CEP128: variants seen among roughly 807,000 people sequenced by gnomAD.
The protein encoded by CEP128 is centrosomal protein 128, also known as centrosomal protein 128kDa.
CEP128 carries 132 observed loss-of-function variants against 156.7 expected under a neutral mutation model. That is an observed-to-expected ratio of 0.84 (90% CI 0.73 to 0.97). The LOEUF (loss-of-function observed/expected upper bound fraction) is 0.97. CEP128 is among the 50% of genes least tolerant of loss of function. The pLI, the probability that CEP128 is intolerant of heterozygous loss-of-function variation, is 0.00. For synonymous variants in CEP128, 469 were observed against 448.9 expected, an observed-to-expected ratio of 1.04 and a Z score of -0.57; for missense variants, 1,252 against 1,281.9, an observed-to-expected ratio of 0.98 and a Z score of 0.36.
chr14:80,685,332 C>T (rs1301828996), intron 19 of CEP128, among the ~76,000 whole-genome samples: 4 of 151,824 alleles, frequency 2.6e-5, no homozygotes, highest in Non-Finnish European at 4.4e-5. Flanking sequence ...AATCAAGAAC[C>T]TAATCCCATT....
chr14:80,590,528 A>G (rs1199653917), intron 19 of CEP128, among the ~76,000 whole-genome samples: 3 of 152,128 alleles, frequency 2.0e-5, no homozygotes, highest in African/African-American at 7.2e-5. Flanking sequence ...ATAAAGATGA[A>G]GGCAAGACAT....
intron 20 of CEP128, among the ~76,000 whole-genome samples, chr14:80,570,328 G>A (rs919321667): frequency 2.0e-5 from 3 of 152,126 alleles, no homozygotes; most frequent in African/African-American, 4.8e-5. Flanking sequence ...ATGTTGGCCA[G>A]GATGGTCTTG....
downstream of CEP128, among the ~76,000 whole-genome samples, chr14:80,486,784 A>G (rs1404981155): frequency 6.6e-6 from 1 of 152,190 alleles, no homozygotes; most frequent in Non-Finnish European, 1.5e-5. Context: ...TCATAAGTGA[A>G]GGAGAAATAA....
Position 80,752,777 on chromosome 14 carries a change from T to C in CEP128, c.2613+4115A>G, listed in dbSNP as rs796130226. 3.9e-5 allele frequency among the ~76,000 whole-genome samples: 6 copies of C among 152,316 alleles called. No homozygotes were observed. The South Asian group carries it at 1.2e-3, about 32-fold the overall frequency. On this transcript the variant is annotated intron_variant, in intron 18 of 24. Coordinates refer to ENST00000555265, the MANE Select transcript of CEP128 (RefSeq NM_152446.5). ...TTCGCAGTAACTAATTAGTTTTATG[T>C]CCTTAGGTAAAACTAAAAACATCTT...
intron 19 of CEP128, among the ~76,000 whole-genome samples, chr14:80,585,728 CTG>C (rs1891792168): frequency 6.6e-6 from 1 of 152,280 alleles, no homozygotes; most frequent in South Asian, 2.1e-4. Context: ...TTCAGTGCTC[CTG>C]TCCAGTGTTA....
At position 80,480,389 on chromosome 14, in the gene CEP128, C is replaced by T. The variant is rs149961374; in HGVS notation, c.*311-1982G>A. ...CCGCAGGCTCAACACCACGTGGAAG[C>T]TGCCAAGGCTTGGGGCTTCCACCCT... On this transcript the variant is annotated intron_variant and NMD_transcript_variant, in intron 14 of 14. Transcript: ENST00000554502. Among the ~76,000 whole-genome samples, 481 of 152,298 alleles carry T rather than the reference C, an allele frequency of 3.2e-3. 4 individuals carry two copies. Among genetic ancestry groups the T allele is most frequent in the African/African-American group, 0.011 (464 of 41,570 alleles).
intron 23 of CEP128, chr14:80,514,772 G>C (rs1432371575): frequency 2.8e-5 from 7 of 254,136 alleles, no homozygotes; most frequent in African/African-American, 1.3e-4. Context: ...TGGTTCTGAT[G>C]CTGGGGGATA....
At chr14:80,820,126 C>T (rs1885086069) in intron 13 of CEP128, among the ~76,000 whole-genome samples, 1 of 152,072 alleles carries the variant, frequency 6.6e-6, no homozygotes, top group South Asian at 2.1e-4. Context: ...TTATAACTTC[C>T]TGACCTCTGT....
intron 24 of CEP128, 35 bp downstream of exon 24, chr14:80,504,877 T>C (rs1368101709): frequency 1.7e-6 from 2 of 1,180,358 alleles, no homozygotes; most frequent in Non-Finnish European, 2.4e-6. Context: ...TTCTTAAATC[T>C]AATTTAAAAA....
At position 80,763,277 on chromosome 14, in the gene CEP128, G is replaced by C. The variant is rs73342527; in HGVS notation, c.2377-1664C>G. Among the ~76,000 whole-genome samples, 1,237 of 152,226 alleles carry C rather than the reference G, an allele frequency of 8.1e-3. 14 individuals are homozygous for C. The highest frequency in any genetic ancestry group is 0.028 in the African/African-American group (1,152 of 41,526). ...GTATTTGCATGGAGGGTGCTGAGGTGTATCTCCCTAACTTTCTTGTTTTTC... is the reference window on the plus strand; with the variant it reads ...GTATTTGCATGGAGGGTGCTGAGGTCTATCTCCCTAACTTTCTTGTTTTTC... On this transcript the variant is annotated intron_variant, in intron 16 of 24. Transcript: ENST00000555265.
intron 16 of CEP128, among the ~76,000 whole-genome samples, chr14:80,771,676 T>C (rs1441900608): frequency 6.6e-6 from 1 of 152,208 alleles, no homozygotes; most frequent in Non-Finnish European, 1.5e-5. Context: ...TCTTAAACTA[T>C]CTCTTAATTG....
At chr14:80,858,749 C>A (rs1347365649) in intron 9 of CEP128, among the ~76,000 whole-genome samples, 1 of 151,616 alleles carries the variant, frequency 6.6e-6, no homozygotes, top group Non-Finnish European at 1.5e-5. Context: ...CATGAACAGA[C>A]ACTTTTCAAA....
rs1429168618 is a variant in CEP128 at position 80,497,538 on chromosome 14, C to G, written c.3226G>C (p.Glu1076Gln). 2 of 1,613,524 alleles carry G rather than the reference C, an allele frequency of 1.2e-6. No individual in the cohort carries two copies. Among genetic ancestry groups the G allele is most frequent in the Non-Finnish European group, 1.7e-6 (2 of 1,179,684 alleles). The change falls in exon 25 of 25, where the codon GAA becomes CAA. Residue 1076 changes from glutamate (E) to glutamine (Q), a missense_variant. Physicochemically the swap from Glu to Gln is conservative, Grantham distance 29. Transcript: ENST00000555265. ...CTTGTTCCATTCATTGTGGCATCTT[C>G]CTTGTTTGAAGCTGAATCTGGAGCA... is the stretch of plus-strand genomic sequence containing the variant. ...TVAPDSASNK[E>Q]DATMNGTSSQ...
chr14:80,916,885 C>A (rs4899780), intron 2 of CEP128, among the ~76,000 whole-genome samples: 54,555 of 151,986 alleles, frequency 0.36, 10,214 homozygotes, highest in South Asian at 0.51. Flanking sequence ...CTCACTTAAT[C>A]CTACCAACAA....
intron 19 of CEP128, among the ~76,000 whole-genome samples, chr14:80,721,651 CTTG>C (rs1052897302): frequency 1.3e-5 from 2 of 152,026 alleles, no homozygotes; most frequent in East Asian, 1.9e-4. Flanking sequence ...TCATGTTTGT[CTTG>C]TTATGTTTCT....
At chr14:80,602,150 A>G (rs150767229) in intron 19 of CEP128, among the ~76,000 whole-genome samples, 182 of 152,352 alleles carry the variant, frequency 1.2e-3, no homozygotes, top group African/African-American at 4.3e-3. Flanking sequence ...TATAACAATT[A>G]TAAGTATATA....
At chr14:80,653,170 C>T (rs1465782975) in intron 19 of CEP128, among the ~76,000 whole-genome samples, 1 of 152,108 alleles carries the variant, frequency 6.6e-6, no homozygotes, top group Admixed American at 6.6e-5. Context: ...GAACATCACA[C>T]ACCAGGGCCT....
intron 18 of CEP128, among the ~76,000 whole-genome samples, chr14:80,747,864 G>A (rs1056481040): frequency 6.6e-6 from 1 of 152,170 alleles, no homozygotes; most frequent in Non-Finnish European, 1.5e-5. Context: ...GACTAGAACT[G>A]GTGGTTGGAT....
intron 19 of CEP128, among the ~76,000 whole-genome samples, chr14:80,684,098 C>G (rs138771754): frequency 2.6e-5 from 4 of 151,954 alleles, no homozygotes; most frequent in African/African-American, 9.7e-5. Flanking sequence ...GAAATCAGAA[C>G]GGAACTGAAT....
Sources: gnomAD v4.1 joint callset for allele counts (sites outside exome capture counted in the v4.1 genomes callset) on GRCh38, gnomAD v4.1.1 for gene constraint, MANE v1.5 for transcripts, NCBI Gene and HGNC (gene_info 2026-07-23, HGNC 2026-07-21) for gene names.